Variants in BMPR1A observed in about 807,000 individuals in gnomAD.
The protein encoded by BMPR1A is bone morphogenetic protein receptor type 1A, also known as bone morphogenetic protein receptor type-1A.
A neutral mutation model predicts 66.0 loss-of-function variants in BMPR1A; 7 were observed. That is an observed-to-expected ratio of 0.11 (90% CI 0.06 to 0.20). The LOEUF is 0.20. Ranked by LOEUF, BMPR1A falls within the 10% of genes least tolerant of loss-of-function variation. The pLI is 1.00. For synonymous variants in BMPR1A, 200 were observed against 229.7 expected (o/e 0.87, Z 1.17); for missense variants, 408 against 669.1 (o/e 0.61, Z 4.31).
At chr10:86,799,073 A>G (rs573688360) in intron 1 of BMPR1A, among the ~76,000 whole-genome samples, 1 of 152,348 alleles carries the variant, frequency 6.6e-6, no homozygotes, top group Admixed American at 6.5e-5. Flanking sequence ...GTCAGGGAAC[A>G]TTAGTGAAAA....
chr10:86,883,871 C>CTTTTTTTTTTTTT (rs111255462), intron 3 of BMPR1A, among the ~76,000 whole-genome samples: 1 of 135,250 alleles, frequency 7.4e-6, no homozygotes. Flanking sequence ...GAGCGTATGA[C>CTTTTTTTTTTTTT]TTTTTTTTTT....
intron 1 of BMPR1A, among the ~76,000 whole-genome samples, chr10:86,792,613 T>A (rs941700273): frequency 2.0e-5 from 3 of 152,054 alleles, no homozygotes; most frequent in African/African-American, 4.8e-5. Context: ...CAGGGCAACA[T>A]AGGGAGAATC....
At chr10:86,911,154 C>CAAAAAA (rs35449069) in intron 7 of BMPR1A, among the ~76,000 whole-genome samples, 3 of 82,868 alleles carry the variant, frequency 3.6e-5, no homozygotes, top group Non-Finnish European at 7.4e-5. Flanking sequence ...GACCCTGTCT[C>CAAAAAA]AAAAAAAAAA....
intron 3 of BMPR1A, among the ~76,000 whole-genome samples, chr10:86,878,776 A>C (rs1475246309): frequency 6.6e-6 from 1 of 152,202 alleles, no homozygotes; most frequent in Non-Finnish European, 1.5e-5. Flanking sequence ...GAGCTACTGG[A>C]AAACAGAGAA....
chr10:86,911,741 T>C (rs918599169), intron 7 of BMPR1A, among the ~76,000 whole-genome samples: 1 of 151,994 alleles, frequency 6.6e-6, no homozygotes, highest in Admixed American at 6.6e-5. Flanking sequence ...CAGAGCTAGA[T>C]TCTATCTCAA....
intron 7 of BMPR1A, among the ~76,000 whole-genome samples, chr10:86,902,105 C>T (rs1335339121): frequency 6.6e-6 from 1 of 152,124 alleles, no homozygotes; most frequent in African/African-American, 2.4e-5. Context: ...AGTGATCCAC[C>T]CACCTCGCCC....
intron 1 of BMPR1A, among the ~76,000 whole-genome samples, chr10:86,769,921 G>A (rs1001678832): frequency 2.0e-5 from 3 of 152,154 alleles, no homozygotes; most frequent in African/African-American, 7.2e-5. Context: ...GTTCAGGTGG[G>A]TAATGCAGAT....
At chr10:86,886,071 T>C (rs1271948849) in intron 3 of BMPR1A, among the ~76,000 whole-genome samples, 1 of 152,230 alleles carries the variant, frequency 6.6e-6, no homozygotes, top group Non-Finnish European at 1.5e-5. Flanking sequence ...TGTGTGTGTT[T>C]GTTTTGAAAT....
intron 2 of BMPR1A, among the ~76,000 whole-genome samples, chr10:86,859,778 C>T (rs962623587): frequency 6.6e-6 from 1 of 151,986 alleles, no homozygotes; most frequent in Non-Finnish European, 1.5e-5. Flanking sequence ...CCACTGCACT[C>T]CAGCCTGGGC....
chr10:86,772,862 A>T (rs1841286283), intron 1 of BMPR1A, among the ~76,000 whole-genome samples: 1 of 152,168 alleles, frequency 6.6e-6, no homozygotes, highest in Non-Finnish European at 1.5e-5. Context: ...AAACACATAG[A>T]AAAGCCCTGA....
intron 2 of BMPR1A, among the ~76,000 whole-genome samples, chr10:86,864,409 G>A (rs529805654): frequency 1.1e-3 from 165 of 152,214 alleles, no homozygotes; most frequent in African/African-American, 3.8e-3. Flanking sequence ...ACGACCTTCC[G>A]TAGCCTGTCT....
intron 11 of BMPR1A, among the ~76,000 whole-genome samples, chr10:86,922,049 C>A (rs1043240095): frequency 2.0e-5 from 3 of 152,130 alleles, no homozygotes; most frequent in Non-Finnish European, 4.4e-5. Flanking sequence ...AACATCCCCC[C>A]CCATCTGCTG....
At chr10:86,832,384 T>G (rs184437065) in intron 1 of BMPR1A, among the ~76,000 whole-genome samples, 10 of 151,878 alleles carry the variant, frequency 6.6e-5, no homozygotes, top group Admixed American at 5.9e-4. Context: ...GAGAATTGCT[T>G]GAACCCGGGA....
chr10:86,800,836 G>T (rs981478997), intron 1 of BMPR1A, among the ~76,000 whole-genome samples: 1 of 152,208 alleles, frequency 6.6e-6, no homozygotes, highest in African/African-American at 2.4e-5. Context: ...GAGAAGATAC[G>T]TAATGAAAAA....
rs55804247 is a variant in BMPR1A, at chr10:86,835,549, C to CAAAAAAAAAAAAAAAAAA, written c.-267-3294_-267-3277dup. On this transcript the variant is annotated intron_variant, in intron 1 of 12. Transcript: ENST00000372037. ...CTGGGTGACAAGCAAGACTCTGTAT[C>CAAAAAAAAAAAAAAAAAA]AAAAAAAAAAAAAAAAAAAAAAAAA... 4.5e-4 allele frequency among the ~76,000 whole-genome samples: 20 copies of CAAAAAAAAAAAAAAAAAA among 44,338 alleles called. 3 individuals carry two copies. Among genetic ancestry groups the CAAAAAAAAAAAAAAAAAA allele is most frequent in the Admixed American group, 9.8e-4 (3 of 3,062 alleles). The allele number at this position is 44,338 out of a possible 152,430, so 29.1% of individuals were successfully genotyped here.
chr10:86,865,592 C>T lies in BMPR1A; in HGVS notation c.-152-10275C>T, dbSNP rs73350099. On this transcript the variant is annotated intron_variant, in intron 2 of 12. Coordinates refer to ENST00000372037, the MANE Select transcript of BMPR1A (RefSeq NM_004329.3). ...CTGTTTAGTGGTCTCTTCACACAGACGCACATGAAACTAGGCAAGAATCAG... is the reference window on the plus strand; with the variant it reads ...CTGTTTAGTGGTCTCTTCACACAGATGCACATGAAACTAGGCAAGAATCAG... Among the ~76,000 whole-genome samples, 862 of 152,264 alleles carry T rather than the reference C, an allele frequency of 5.7e-3. 8 individuals carry two copies. Among genetic ancestry groups the T allele is most frequent in the African/African-American group, 0.02 (815 of 41,554 alleles).
chr10:86,887,831 A>G (rs1233812218), intron 3 of BMPR1A, among the ~76,000 whole-genome samples: 1 of 152,212 alleles, frequency 6.6e-6, no homozygotes, highest in African/African-American at 2.4e-5. Flanking sequence ...CTGTAGCCTT[A>G]TAGAGTAAAT....
chr10:86,880,307 G>T (rs1842970481), intron 3 of BMPR1A, among the ~76,000 whole-genome samples: 1 of 152,114 alleles, frequency 6.6e-6, no homozygotes, highest in African/African-American at 2.4e-5. Context: ...TGTTCTCCTG[G>T]CCTTTGGTTT....
At chr10:86,775,022 T>C (rs1025417257) in intron 1 of BMPR1A, among the ~76,000 whole-genome samples, 11 of 152,226 alleles carry the variant, frequency 7.2e-5, no homozygotes, top group Admixed American at 2.0e-4. Flanking sequence ...TAGTGTTCTT[T>C]TTAGTGCTGG....
Sources: gnomAD v4.1 joint callset for allele counts (sites outside exome capture counted in the v4.1 genomes callset) on GRCh38, gnomAD v4.1.1 for gene constraint, MANE v1.5 for transcripts, NCBI Gene and HGNC (gene_info 2026-07-23, HGNC 2026-07-21) for gene names.